The following PPFIA2 variants were observed in gnomAD, a reference collection of about 807,000 sequenced individuals.
The protein encoded by PPFIA2 is PPFI scaffold protein A2, also known as liprin-alpha-2.
Under a neutral mutation model 175.5 loss-of-function variants are expected in PPFIA2, and 46 were observed. That is an observed-to-expected ratio of 0.26 (90% confidence interval 0.21 to 0.34). The LOEUF is 0.34. PPFIA2 is among the 10% of genes least tolerant of loss of function. The probability of loss-of-function intolerance (pLI) is 1.00; values close to 1 mark genes in which losing one functional copy is unlikely to be tolerated. For synonymous variants in PPFIA2, 568 were observed against 511.4 expected (o/e 1.11, Z -1.49); for missense variants, 1,179 against 1,506.1 (o/e 0.78, Z 3.60).
intron 4 of PPFIA2, among the ~76,000 whole-genome samples, chr12:81,493,323 G>A (rs1039851556): frequency 5.3e-5 from 8 of 151,948 alleles, no homozygotes; most frequent in Non-Finnish European, 8.8e-5. Flanking sequence ...ACACAGAGAA[G>A]AGGTTCAAGG....
At chr12:81,660,034 A>G (rs2068525598) in intron 4 of PPFIA2, among the ~76,000 whole-genome samples, 1 of 152,184 alleles carries the variant, frequency 6.6e-6, no homozygotes, top group Non-Finnish European at 1.5e-5. Context: ...ACCCACACCA[A>G]AACCCCATCT....
intron 4 of PPFIA2, among the ~76,000 whole-genome samples, chr12:81,640,776 C>A (rs1321845882): frequency 6.6e-6 from 1 of 152,074 alleles, no homozygotes; most frequent in Admixed American, 6.5e-5. Context: ...CCATTTTGAG[C>A]CCCTAGAACA....
intron 5 of PPFIA2, among the ~76,000 whole-genome samples, chr12:81,453,422 C>A (rs990438786): frequency 6.6e-6 from 1 of 151,998 alleles, no homozygotes. Context: ...GTTCAGATAA[C>A]TTTGTCAAAA....
At chr12:81,590,602 C>T (rs1376133049) in intron 4 of PPFIA2, among the ~76,000 whole-genome samples, 1 of 151,932 alleles carries the variant, frequency 6.6e-6, no homozygotes, top group Non-Finnish European at 1.5e-5. Flanking sequence ...GTGGGAGGAA[C>T]CCGGTGGGAG....
chr12:81,441,666 C>G (rs1042750374), intron 6 of PPFIA2, among the ~76,000 whole-genome samples: 6 of 151,982 alleles, frequency 3.9e-5, no homozygotes, highest in African/African-American at 1.4e-4. Context: ...GCAAATATCC[C>G]GAAGCCATGA....
rs568797161 is a variant in PPFIA2, at chr12:81,471,225, C to A, written c.304-13359G>T. 4.0e-5 allele frequency: 6 copies of A among 151,868 alleles called. No homozygotes were observed. In the South Asian group the frequency reaches 1.2e-3, roughly 32 times the overall value. The allele number at this position is 151,868 out of a possible 1,614,324, so 9.4% of individuals were successfully genotyped here. A position where few individuals can be genotyped will look rare whatever the true frequency, so the allele number is the denominator to read the frequency against. On this transcript the variant is annotated intron_variant, in intron 4 of 32. Transcript: ENST00000549396. ...GATCACAACTCACAACTTACTGCAT[C>A]CTCTACCTCCTGAGCTCAAGGGGAA...
At chr12:81,484,840 T>C (rs2058647213) in intron 4 of PPFIA2, among the ~76,000 whole-genome samples, 1 of 151,958 alleles carries the variant, frequency 6.6e-6, no homozygotes. Context: ...ATAACTAATT[T>C]TGGAGATGAA....
intron 3 of PPFIA2, among the ~76,000 whole-genome samples, chr12:81,749,608 C>T (rs2083484623): frequency 6.9e-6 from 1 of 144,126 alleles, no homozygotes; most frequent in Non-Finnish European, 1.6e-5. Flanking sequence ...GTAAATTACT[C>T]TAATTATCCT....
At chr12:81,433,946 G>A (rs1040977278) in intron 7 of PPFIA2, among the ~76,000 whole-genome samples, 4 of 152,084 alleles carry the variant, frequency 2.6e-5, no homozygotes, top group Non-Finnish European at 5.9e-5. Context: ...TTATAAAATA[G>A]TTCATTAAAG....
intron 4 of PPFIA2, among the ~76,000 whole-genome samples, chr12:81,536,631 C>T: frequency 6.7e-6 from 1 of 148,422 alleles, no homozygotes; most frequent in South Asian, 2.1e-4. Context: ...TGAAGATTAA[C>T]CAATTAGTAA....
chr12:81,514,174 C>T (rs11114898), intron 4 of PPFIA2, among the ~76,000 whole-genome samples: 44,375 of 151,598 alleles, frequency 0.29, 6,933 homozygotes, highest in African/African-American at 0.4. Context: ...GTCAAGTTCC[C>T]CCCCTGAACA....
In PPFIA2 at chr12:81,659,389, G is replaced by A. The variant is rs544679058; in HGVS notation, c.303+17402C>T. The stretch of plus-strand genomic sequence containing the variant: ...CTAATACTGCACTTTCTTAGCAAAC[G>A]GCACACCCAGAGATTATATCCTTCA... On this transcript the variant is annotated intron_variant, in intron 4 of 32. Coordinates refer to ENST00000549396, the MANE Select transcript of PPFIA2 (RefSeq NM_003625.5). Among the ~76,000 whole-genome samples the A allele has an allele frequency of 3.9e-5, 6 of 152,186 alleles. No individual in the cohort carries two copies. The South Asian group carries it at 1.0e-3, about 26-fold the overall frequency.
rs376980127 is a variant in PPFIA2 at position 81,642,793 on chromosome 12, GTA to G, written c.303+33996_303+33997del. On this transcript the variant is annotated intron_variant, in intron 4 of 32. Coordinates refer to ENST00000549396, the MANE Select transcript of PPFIA2 (RefSeq NM_003625.5). ...GTATGTATGTATTATATACATACAT[GTA>G]TATGTATGTATGTATTACATACATG... Among the ~76,000 whole-genome samples, 18 of 34,226 alleles carry G rather than the reference GTA, an allele frequency of 5.3e-4. 7 individuals are homozygous for G. The highest frequency in any genetic ancestry group is 2.0e-3 in the African/African-American group (17 of 8,706). The allele number at this position is 34,226 out of a possible 152,430, so 22.5% of individuals were successfully genotyped here.
chr12:81,450,402 A>G (rs1361173181), intron 5 of PPFIA2, among the ~76,000 whole-genome samples: 1 of 151,968 alleles, frequency 6.6e-6, no homozygotes, highest in Admixed American at 6.6e-5. Flanking sequence ...GATGGTGAGC[A>G]TTTTTTCATG....
chr12:81,675,219 CACAT>C (rs72040264), intron 4 of PPFIA2, among the ~76,000 whole-genome samples: 43,882 of 121,464 alleles, frequency 0.36, 7,202 homozygotes, highest in Middle Eastern at 0.48. Flanking sequence ...CACACACACA[CACAT>C]ATATATATAG....
At chr12:81,286,425 T>C (rs756638908) in intron 24 of PPFIA2, among the ~76,000 whole-genome samples, 5 of 152,078 alleles carry the variant, frequency 3.3e-5, no homozygotes, top group African/African-American at 4.8e-5. Flanking sequence ...ACTATATTTT[T>C]ACTGTACCTT....
At chr12:81,262,460 G>A (rs2035923150) in intron 31 of PPFIA2, among the ~76,000 whole-genome samples, 1 of 152,112 alleles carries the variant, frequency 6.6e-6, no homozygotes, top group South Asian at 2.1e-4. Flanking sequence ...TGTAAGAAAT[G>A]TAGATCAAGA....
intron 7 of PPFIA2, among the ~76,000 whole-genome samples, chr12:81,422,967 T>G (rs2046549281): frequency 6.6e-6 from 1 of 151,920 alleles, no homozygotes; most frequent in South Asian, 2.1e-4. Context: ...CTAAAAAATA[T>G]AAAGGATCAT....
intron 4 of PPFIA2, among the ~76,000 whole-genome samples, chr12:81,620,159 C>CAAAA (rs376856927): frequency 2.9e-3 from 154 of 53,056 alleles, no homozygotes; most frequent in South Asian, 4.2e-3. Context: ...CACTCCTTCT[C>CAAAA]AAAAAAAAAA....
Sources: allele counts gnomAD v4.1 joint callset (sites outside exome capture counted in the v4.1 genomes callset), GRCh38; gene constraint gnomAD v4.1.1; transcripts MANE v1.5; gene names NCBI Gene and HGNC (gene_info 2026-07-23, HGNC 2026-07-21).